Variants in NEDD8 observed in about 807,000 individuals in gnomAD.
NEDD8 encodes NEDD8 ubiquitin like modifier.
Under a neutral mutation model 13.8 loss-of-function variants are expected in NEDD8, and 1 was observed. The ratio of observed to expected loss-of-function variants is 0.07; its 90% CI spans 0.03 to 0.34. NEDD8 has a LOEUF of 0.34. NEDD8 is among the 10% of genes least tolerant of loss of function. NEDD8 has a pLI of 0.99. For missense variants in NEDD8, 10 were observed against 95.2 expected (o/e 0.10, Z 3.73); for synonymous variants, 31 against 33.2 (o/e 0.93, Z 0.23).
intron 1 of NEDD8, chr14:24,226,799 A>G (rs1419453348): frequency 1.3e-5 from 2 of 152,236 alleles, no homozygotes; most frequent in Admixed American, 6.5e-5. Context: ...AAAGTTACAT[A>G]TATCTACCAC....
chr14:24,227,333 T>C (rs1186823924), intron 1 of NEDD8: 1 of 152,128 alleles, frequency 6.6e-6, no homozygotes, highest in Non-Finnish European at 1.5e-5. Context: ...GATCTGGGGT[T>C]AGGGAGTAAT....
chr14:24,229,842 G>A (rs1447233504), intron 1 of NEDD8, among the ~76,000 whole-genome samples: 2 of 152,134 alleles, frequency 1.3e-5, no homozygotes, highest in African/African-American at 4.8e-5. Flanking sequence ...TTAGGCGGAG[G>A]TGAGCGGATC....
chr14:24,220,142 A>T (rs2039780672), intron 1 of NEDD8, among the ~76,000 whole-genome samples: 2 of 152,156 alleles, frequency 1.3e-5, no homozygotes, highest in South Asian at 4.1e-4. Flanking sequence ...TGATGTGTAG[A>T]CCTGTTCCCA....
chr14:24,228,721 A>C (rs1447440310), intron 1 of NEDD8: 1 of 17,968 alleles, frequency 5.6e-5, no homozygotes, highest in Non-Finnish European at 2.3e-4. Context: ...ACCTGTCTCA[A>C]AAAAAAAAAA....
At chr14:24,231,955 C>CG in intron 1 of NEDD8, 1 of 405,534 alleles carries the variant, frequency 2.5e-6, no homozygotes, top group South Asian at 4.5e-5. Context: ...TCTATGACTG[C>CG]GGGGGTTCGA....
At chr14:24,222,869 C>T (rs1242936845) in intron 1 of NEDD8, among the ~76,000 whole-genome samples, 3 of 151,876 alleles carry the variant, frequency 2.0e-5, no homozygotes, top group Non-Finnish European at 4.4e-5. Flanking sequence ...GGGCGGATCA[C>T]GAGGTCAGGA....
chr14:24,229,633 G>C (rs1017986429), intron 1 of NEDD8, among the ~76,000 whole-genome samples: 2 of 152,222 alleles, frequency 1.3e-5, no homozygotes, highest in Non-Finnish European at 2.9e-5. Context: ...ATCACAAATA[G>C]CAAAGTTTTT....
chr14:24,217,326 G>A (rs187912526), intron 3 of NEDD8, 103 bp from the exon 4 acceptor site: 3 of 966,756 alleles, frequency 3.1e-6, no homozygotes, highest in East Asian at 5.3e-5. Flanking sequence ...GTCTCGCTCT[G>A]TCATCTAGGC....
chr14:24,228,783 GCT>G (rs1266606237), intron 1 of NEDD8: 2 of 147,682 alleles, frequency 1.4e-5, no homozygotes, highest in Admixed American at 1.4e-4. Flanking sequence ...GTAATTAACA[GCT>G]CTTTTTTTTC....
intron 1 of NEDD8, chr14:24,226,976 T>C (rs1191939586): frequency 6.6e-6 from 1 of 152,230 alleles, no homozygotes; most frequent in East Asian, 1.9e-4. Context: ...AATTATGATA[T>C]AATTCATCCA....
chr14:24,228,255 T>C (rs1336826233), intron 1 of NEDD8: 3 of 151,858 alleles, frequency 2.0e-5, no homozygotes, highest in African/African-American at 7.3e-5. Flanking sequence ...TAGCCGGGTA[T>C]GGTGGTGGGC....
chr14:24,221,555 T>C (rs1304633757), intron 1 of NEDD8, among the ~76,000 whole-genome samples: 1 of 152,046 alleles, frequency 6.6e-6, no homozygotes, highest in Non-Finnish European at 1.5e-5. Flanking sequence ...GCTGGGATTA[T>C]AGGCATGAGC....
At chr14:24,226,734 T>C (rs1179795380) in intron 1 of NEDD8, 1 of 152,194 alleles carries the variant, frequency 6.6e-6, no homozygotes, top group Non-Finnish European at 1.5e-5. Flanking sequence ...GCAACTGGAA[T>C]GCTCATACAC....
At chr14:24,220,920 A>G (rs980136467) in intron 1 of NEDD8, among the ~76,000 whole-genome samples, 2 of 152,214 alleles carry the variant, frequency 1.3e-5, no homozygotes, top group Admixed American at 6.5e-5. Flanking sequence ...GTTTCTCCTT[A>G]TGGTATTCAC....
At chr14:24,218,075 TC>T in intron 3 of NEDD8, 57 bp downstream of exon 3, 7 of 1,610,254 alleles carry the variant, frequency 4.3e-6, no homozygotes, top group Non-Finnish European at 5.9e-6. Context: ...ACGTGCCCCC[TC>T]TCCTCTTCTC....
At chr14:24,229,385 A>G (rs2138908549) in intron 1 of NEDD8, among the ~76,000 whole-genome samples, 2 of 152,144 alleles carry the variant, frequency 1.3e-5, no homozygotes, top group Admixed American at 1.3e-4. Flanking sequence ...ACACTCGGCT[A>G]ATTTTTGTAT....
chr14:24,217,158 G>A lies in NEDD8; in HGVS notation c.215C>T (p.Ala72Val). Reference protein sequence around the residue: ...LGGSVLHLVLALRGGGGLRQ With the variant: ...LGGSVLHLVLVLRGGGGLRQ ...CCTAAGACCACCTCCTCCTCTCAGA[G>A]CCAACACCAGGTGAAGGACTGAACC... Residue 72 changes from alanine to valine, a missense_variant, in exon 4 of 4, where the codon GCT becomes GTT. By Grantham distance (64) the Ala-to-Val change is moderately conservative (BLOSUM62 0). Coordinates refer to ENST00000250495, the MANE Select transcript of NEDD8 (RefSeq NM_006156.3). The A allele has an allele frequency of 6.2e-7, 1 of 1,613,426 alleles. No individual in the cohort carries two copies. Among genetic ancestry groups the A allele is most frequent in the Non-Finnish European group, 8.5e-7 (1 of 1,179,740 alleles).
chr14:24,230,064 G>A (rs950836267), intron 1 of NEDD8, among the ~76,000 whole-genome samples: 1 of 151,458 alleles, frequency 6.6e-6, no homozygotes. Context: ...GGGAGACTCC[G>A]TCTCAAATAA....
chr14:24,229,455 T>A (rs1276187539), intron 1 of NEDD8, among the ~76,000 whole-genome samples: 8 of 152,176 alleles, frequency 5.3e-5, no homozygotes. Flanking sequence ...CCTGACCTCG[T>A]GATCCGCCCG....
Sources: gnomAD v4.1 joint callset for allele counts (sites outside exome capture counted in the v4.1 genomes callset) on GRCh38, gnomAD v4.1.1 for gene constraint, MANE v1.5 for transcripts, NCBI Gene and HGNC (gene_info 2026-07-23, HGNC 2026-07-21) for gene names.